ULK4: variants seen among roughly 807,000 people sequenced by gnomAD.
ULK4 encodes the protein inactive serine/threonine-protein kinase ULK4.
Under a neutral mutation model 160.6 loss-of-function variants are expected in ULK4, and 133 were observed. The observed-to-expected ratio is 0.83, with a 90% CI of 0.72 to 0.96. The LOEUF (loss-of-function observed/expected upper bound fraction) is 0.96. Ranked by LOEUF, ULK4 falls within the 40% of genes least tolerant of loss-of-function variation. The pLI, the probability that ULK4 is intolerant of heterozygous loss-of-function variation, is 0.00. For synonymous variants in ULK4, 534 were observed against 539.8 expected (o/e 0.99, Z 0.15); for missense variants, 1,580 against 1,499.5 (o/e 1.05, Z -0.89).
intron 34 of ULK4, among the ~76,000 whole-genome samples, chr3:41,423,988 G>A (rs1474403763): frequency 6.6e-6 from 1 of 152,124 alleles, no homozygotes; most frequent in Admixed American, 6.5e-5. Flanking sequence ...CGGAGTTCTT[G>A]TGGGGAGGGG....
At chr3:41,823,789 T>C (rs2041234141) in intron 18 of ULK4, among the ~76,000 whole-genome samples, 1 of 152,214 alleles carries the variant, frequency 6.6e-6, no homozygotes, top group Non-Finnish European at 1.5e-5. Context: ...TTTTCCAGTT[T>C]GCTATCACGA....
rs33987084 is a variant in ULK4, at chr3:41,878,675, TAAAA to T, written c.1656+5195_1656+5198del. On this transcript the variant is annotated intron_variant, in intron 17 of 36. Coordinates refer to ENST00000301831, the MANE Select transcript of ULK4 (RefSeq NM_017886.4). ...AATAATCGATTGATGTTAAAACTGTTAAAAAAAAAAAAAAAAAAAAAGAGTGAGG... is the reference window on the plus strand; with the variant it reads ...AATAATCGATTGATGTTAAAACTGTTAAAAAAAAAAAAAAAAAGAGTGAGG... Among the ~76,000 whole-genome samples the T allele has an allele frequency of 4.1e-3, 393 of 95,934 alleles. 1 individual carries two copies. Among genetic ancestry groups the T allele is most frequent in the African/African-American group, 0.015 (375 of 24,820 alleles). 62.9% of individuals were successfully genotyped at this position (95,934 alleles called of 152,430 possible).
intron 30 of ULK4, among the ~76,000 whole-genome samples, chr3:41,628,107 G>A (rs1464420958): frequency 6.6e-6 from 1 of 152,152 alleles, no homozygotes; most frequent in African/African-American, 2.4e-5. Context: ...AAAATGAACT[G>A]GAAGAAGTGT....
At chr3:41,853,475 C>T (rs2042263126) in intron 17 of ULK4, among the ~76,000 whole-genome samples, 1 of 152,134 alleles carries the variant, frequency 6.6e-6, no homozygotes, top group Non-Finnish European at 1.5e-5. Flanking sequence ...CAATAAGATG[C>T]TAAATCATAA....
intron 32 of ULK4, among the ~76,000 whole-genome samples, chr3:41,533,660 T>C (rs1448726044): frequency 1.3e-5 from 2 of 152,208 alleles, no homozygotes; most frequent in African/African-American, 4.8e-5. Context: ...CAGAATTAAG[T>C]AGCAGCAACA....
intron 11 of ULK4, 67 bp from the exon 12 acceptor site, chr3:41,908,008 G>T: frequency 2.5e-6 from 3 of 1,178,410 alleles, no homozygotes; most frequent in Non-Finnish European, 3.5e-6. Flanking sequence ...ACTGTTTTCT[G>T]GAAGAAAACA....
At position 41,839,705 on chromosome 3, in the gene ULK4, A is replaced by G. The variant is rs886476207; in HGVS notation, c.1657-3734T>C. On this transcript the variant is annotated intron_variant, in intron 17 of 36. Coordinates refer to ENST00000301831, the MANE Select transcript of ULK4 (RefSeq NM_017886.4). ...GAAAGTCCCAAAGAGTCTAAAGAAA[A>G]AAACTCCCTAGAACTAGTGAGTTCT... 2.0e-5 allele frequency among the ~76,000 whole-genome samples: 3 copies of G among 152,122 alleles called. No homozygotes were observed. In the East Asian group the frequency reaches 5.8e-4, roughly 29 times the overall value.
intron 22 of ULK4, among the ~76,000 whole-genome samples, chr3:41,735,713 T>TATTATTATG (rs1463455188): frequency 1.9e-4 from 29 of 150,376 alleles, no homozygotes; most frequent in African/African-American, 6.4e-4. Context: ...TTATTATTAT[T>TATTATTATG]ATACTTTAAG....
intron 21 of ULK4, among the ~76,000 whole-genome samples, chr3:41,781,733 G>A (rs1443467700): frequency 6.6e-6 from 1 of 152,182 alleles, no homozygotes; most frequent in African/African-American, 2.4e-5. Flanking sequence ...GAGGTCAGGA[G>A]TTCGAGACCA....
chr3:41,556,067 C>T (rs187382944), intron 32 of ULK4, among the ~76,000 whole-genome samples: 2 of 152,128 alleles, frequency 1.3e-5, no homozygotes, highest in Admixed American at 1.3e-4. Context: ...GGAAAAATAA[C>T]TAATGAGTAC....
chr3:41,804,840 A>T (rs969751070), intron 19 of ULK4, among the ~76,000 whole-genome samples: 27 of 152,218 alleles, frequency 1.8e-4, no homozygotes, highest in Non-Finnish European at 1.8e-4. Context: ...CCATTGGTCT[A>T]TATCTCTGTT....
intron 30 of ULK4, among the ~76,000 whole-genome samples, chr3:41,641,465 G>A (rs1466793639): frequency 5.3e-5 from 8 of 152,178 alleles, no homozygotes; most frequent in Admixed American, 5.2e-4. Context: ...GGGAGGCCAA[G>A]GTGGGAGGAT....
At chr3:41,658,728 TAC>T (rs748566253) in intron 30 of ULK4, among the ~76,000 whole-genome samples, 1,192 of 83,870 alleles carry the variant, frequency 0.014, 5 homozygotes, top group South Asian at 0.023. Context: ...TGAAAAACAG[TAC>T]ACACACACAC....
intron 30 of ULK4, among the ~76,000 whole-genome samples, chr3:41,616,514 G>A (rs1045502799): frequency 6.6e-6 from 1 of 152,134 alleles, no homozygotes; most frequent in East Asian, 1.9e-4. Context: ...AGGGTGGGGC[G>A]TCGTCTCACC....
chr3:41,445,189 G>A (rs1295921391), intron 34 of ULK4, among the ~76,000 whole-genome samples: 1 of 152,100 alleles, frequency 6.6e-6, no homozygotes, highest in African/African-American at 2.4e-5. Flanking sequence ...CCTCTTCAAG[G>A]AGAACTACAA....
chr3:41,589,430 CAAA>C (rs34913730), intron 31 of ULK4, among the ~76,000 whole-genome samples: 8 of 72,094 alleles, frequency 1.1e-4, no homozygotes, highest in African/African-American at 3.3e-4. Flanking sequence ...AAGGCCAGGC[CAAA>C]AAAAAAAAAA....
At chr3:41,250,212 C>T (rs926989236) in intron 35 of ULK4, among the ~76,000 whole-genome samples, 49 of 152,150 alleles carry the variant, frequency 3.2e-4, no homozygotes, top group African/African-American at 1.2e-3. Context: ...TAGACCCACC[C>T]AGAGACCTCA....
chr3:41,751,537 T>TG (rs1308957709), intron 22 of ULK4, among the ~76,000 whole-genome samples: 1 of 151,952 alleles, frequency 6.6e-6, no homozygotes, highest in Non-Finnish European at 1.5e-5. Context: ...CTGAGAAGAG[T>TG]GGAGGTCAGT....
chr3:41,383,325 T>C lies in ULK4; in HGVS notation c.3678+14754A>G, dbSNP rs150357013. ...TGTTTGCCAGGTTGGTCTCGAACTC[T>C]TGACCTAAGGTGATCCACCTGCCTC... On this transcript the variant is annotated intron_variant, in intron 35 of 36. Transcript: ENST00000301831. Among the ~76,000 whole-genome samples, 1,020 of 152,208 alleles carry C rather than the reference T, an allele frequency of 6.7e-3. 4 individuals carry two copies. The highest frequency in any genetic ancestry group is 0.015 in the East Asian group (79 of 5,178).
Sources: allele counts gnomAD v4.1 joint callset (sites outside exome capture counted in the v4.1 genomes callset), GRCh38; gene constraint gnomAD v4.1.1; transcripts MANE v1.5; gene names NCBI Gene and HGNC (gene_info 2026-07-23, HGNC 2026-07-21).